Variants in SPAG17 observed in about 807,000 individuals in gnomAD.
The protein encoded by SPAG17 is sperm associated antigen 17.
Under a neutral mutation model 273.6 loss-of-function variants are expected in SPAG17, and 169 were observed. The observed-to-expected ratio is 0.62, with a 90% confidence interval of 0.55 to 0.70. SPAG17 has a LOEUF of 0.70. Ranked by LOEUF, SPAG17 falls within the 30% of genes least tolerant of loss-of-function variation. The probability of loss-of-function intolerance (pLI) is 0.00; values close to 1 mark genes in which losing one functional copy is unlikely to be tolerated. For synonymous variants in SPAG17, 825 were observed against 873.2 expected (o/e 0.94, Z 0.97); for missense variants, 2,557 against 2,627.8 (o/e 0.97, Z 0.59).
chr1:118,100,120 T>G (rs1655967986), intron 5 of SPAG17, among the ~76,000 whole-genome samples: 1 of 152,184 alleles, frequency 6.6e-6, no homozygotes, highest in Non-Finnish European at 1.5e-5. Flanking sequence ...GCCTGTAACT[T>G]TTTTGGGTTC....
At chr1:118,153,942 G>T (rs570488905) in intron 1 of SPAG17, among the ~76,000 whole-genome samples, 1 of 152,116 alleles carries the variant, frequency 6.6e-6, no homozygotes, top group South Asian at 2.1e-4. Flanking sequence ...ATTTTACAAA[G>T]GATCAAAGAG....
intron 3 of SPAG17, among the ~76,000 whole-genome samples, chr1:118,128,289 A>G (rs1227233626): frequency 2.0e-5 from 3 of 152,122 alleles, no homozygotes; most frequent in Non-Finnish European, 4.4e-5. Flanking sequence ...TTAGTTCTAA[A>G]AGTTTTTTGT....
chr1:118,088,999 C>G (rs910366353), intron 10 of SPAG17, among the ~76,000 whole-genome samples: 3 of 152,002 alleles, frequency 2.0e-5, no homozygotes, highest in African/African-American at 7.3e-5. Flanking sequence ...CATACAGCAA[C>G]GAACAAGACT....
intron 3 of SPAG17, among the ~76,000 whole-genome samples, chr1:118,130,464 G>T (rs1365186332): frequency 6.6e-6 from 1 of 152,214 alleles, no homozygotes; most frequent in Non-Finnish European, 1.5e-5. Flanking sequence ...CAACTCTGGG[G>T]TTTTCCAGGG....
chr1:117,983,952 G>C (rs758582324), intron 41 of SPAG17, 39 bp from the exon 42 acceptor site: 1 of 1,039,578 alleles, frequency 9.6e-7, no homozygotes, highest in South Asian at 1.4e-5. Context: ...CTTATACATG[G>C]CTGAAATTCA....
intron 3 of SPAG17, among the ~76,000 whole-genome samples, chr1:118,132,877 T>C (rs1380635254): frequency 1.3e-5 from 2 of 152,174 alleles, no homozygotes; most frequent in African/African-American, 2.4e-5. Context: ...GTTCAAGCAA[T>C]TCTCCTGCCT....
At chr1:117,986,379 T>G (rs1054046137) in intron 40 of SPAG17, among the ~76,000 whole-genome samples, 1 of 152,212 alleles carries the variant, frequency 6.6e-6, no homozygotes, top group African/African-American at 2.4e-5. Context: ...ATCTGACATT[T>G]GCTGACCAGC....
At chr1:118,085,779 G>A (rs1654948625) in intron 13 of SPAG17, 143 bp downstream of exon 13, 5 of 672,570 alleles carry the variant, frequency 7.4e-6, no homozygotes, top group Non-Finnish European at 7.2e-6. Flanking sequence ...CAAGAAAGTT[G>A]TAGTCAATCA....
At chr1:117,966,562 A>G in intron 47 of SPAG17, 47 bp downstream of exon 47, 1 of 1,432,298 alleles carries the variant, frequency 7.0e-7, no homozygotes, top group Non-Finnish European at 9.2e-7. Context: ...TCACTCGTGT[A>G]ATTTCTGCAC....
At chr1:118,165,435 G>T (rs1469476891) in intron 1 of SPAG17, among the ~76,000 whole-genome samples, 2 of 151,790 alleles carry the variant, frequency 1.3e-5, no homozygotes, top group Non-Finnish European at 2.9e-5. Context: ...TTGGCATGAG[G>T]CAAAGAACCT....
chr1:118,151,220 G>A lies in SPAG17; in HGVS notation c.228+9C>T. On this transcript the variant is annotated intron_variant, in intron 2 of 48. Transcript: ENST00000336338. ...TTCAGGTGGCTTTGAGGTAGGAAGG[G>A]ACAGGTACCTGCTGGAGAATGTCTT... 1 of 1,556,538 alleles carries A rather than the reference G, an allele frequency of 6.4e-7. No homozygotes were observed. The highest frequency in any genetic ancestry group is 8.7e-7 in the Non-Finnish European group (1 of 1,146,580).
At position 117,989,672 on chromosome 1, in the gene SPAG17, C is replaced by T. The variant is rs147918434; in HGVS notation, c.5521+1189G>A. Among the ~76,000 whole-genome samples, 634 of 152,230 alleles carry T rather than the reference C, an allele frequency of 4.2e-3. 3 individuals are homozygous for T. The highest frequency in any genetic ancestry group is 0.014 in the African/African-American group (599 of 41,548). ...CTCATTGCAACCATCACCTACCAGG[C>T]GAAAGCTATCCTCCCACCTCAGTCT... On this transcript the variant is annotated intron_variant, in intron 38 of 48. Transcript: ENST00000336338.
intron 15 of SPAG17, among the ~76,000 whole-genome samples, chr1:118,080,488 T>C (rs1570651570): frequency 1.3e-5 from 2 of 152,176 alleles, no homozygotes; most frequent in African/African-American, 2.4e-5. Flanking sequence ...ACTGGAGAAG[T>C]AGGCCAAGGA....
intron 1 of SPAG17, among the ~76,000 whole-genome samples, chr1:118,168,939 T>C (rs1660295907): frequency 6.6e-6 from 1 of 152,026 alleles, no homozygotes; most frequent in Admixed American, 6.5e-5. Context: ...TAAAGATAGA[T>C]AGGCAGAGAA....
chr1:118,119,114 TG>T (rs1166349091), intron 3 of SPAG17, among the ~76,000 whole-genome samples: 4 of 152,146 alleles, frequency 2.6e-5, no homozygotes, highest in African/African-American at 9.7e-5. Flanking sequence ...CATGCATGTA[TG>T]TGTGTGTGCA....
chr1:118,074,406 T>C (rs993237837), intron 16 of SPAG17, 133 bp downstream of exon 16: 29 of 783,730 alleles, frequency 3.7e-5, no homozygotes, highest in Non-Finnish European at 5.6e-5. Flanking sequence ...GATGTCCGAA[T>C]AGTTCCTCTT....
Position 117,984,704 on chromosome 1 carries a change from C to T in SPAG17, c.5748G>A (p.Leu1916=), listed in dbSNP as rs963292256. ...TTACCTGAGACTGATATAACTGGTT[C>T]AATTCAGATTTAAAAAAGGGTGGTA... is the stretch of plus-strand genomic sequence containing the variant. ...RIIPPFFKSE[L]NQLYQSQYNH... is the part of the protein sequence containing the mutation. The change falls in exon 41 of 49, where the codon TTG becomes TTA. Residue 1916 remains leucine (L), a synonymous_variant. Transcript: ENST00000336338. 6.2e-7 allele frequency: 1 copy of T among 1,605,202 alleles called. No homozygotes were observed. Among genetic ancestry groups the T allele is most frequent in the East Asian group, 2.2e-5 (1 of 44,704 alleles).
rs760257674 is a variant in SPAG17, at chr1:118,073,928, T to C, written c.2311A>G (p.Ile771Val). The change falls in exon 17 of 49, where the codon ATA becomes GTA. Residue 771 changes from isoleucine (I) to valine (V), a missense_variant. Ile to Val is a conservative substitution (Grantham distance 29). Coordinates refer to ENST00000336338, the MANE Select transcript of SPAG17 (RefSeq NM_206996.4). The stretch of plus-strand genomic sequence containing the variant: ...AGACTGCGCTGCTGTGTTTTCTTTA[T>C]GTCCTCTAAATCTGCTTCCACCATC... ...KMMVEADLEDIKKTQQRSLMD... is the reference protein window; with the variant it reads ...KMMVEADLEDVKKTQQRSLMD... 8.3e-6 allele frequency: 13 copies of C among 1,571,982 alleles called. No homozygotes were observed. Among genetic ancestry groups the C allele is most frequent in the Middle Eastern group, 1.7e-4 (1 of 5,956 alleles).
intron 3 of SPAG17, among the ~76,000 whole-genome samples, chr1:118,131,400 T>C (rs970887719): frequency 6.6e-5 from 10 of 152,226 alleles, no homozygotes; most frequent in Non-Finnish European, 1.5e-4. Flanking sequence ...TTTGCTCCCC[T>C]GGCTACTCAG....
Sources: allele counts gnomAD v4.1 joint callset (sites outside exome capture counted in the v4.1 genomes callset), GRCh38; gene constraint gnomAD v4.1.1; transcripts MANE v1.5; gene names NCBI Gene and HGNC (gene_info 2026-07-23, HGNC 2026-07-21).